DGKB: variants seen among roughly 807,000 people sequenced by gnomAD.
DGKB encodes the protein diacylglycerol kinase beta.
Under a neutral mutation model 114.3 loss-of-function variants are expected in DGKB, and 67 were observed. That is an observed-to-expected ratio of 0.59 (90% confidence interval 0.48 to 0.72). DGKB has a LOEUF of 0.72. DGKB is among the 30% of genes least tolerant of loss of function. The pLI is 0.00. For synonymous variants in DGKB, 398 were observed against 323.1 expected (o/e 1.23, Z -2.49); for missense variants, 907 against 975.2 (o/e 0.93, Z 0.93).
At chr7:14,729,281 T>C (rs4582449) in intron 5 of DGKB, among the ~76,000 whole-genome samples, 50,168 of 148,024 alleles carry the variant, frequency 0.34, 10,269 homozygotes, top group Non-Finnish European at 0.47. Context: ...TGCCACCACA[T>C]CCGGCTAATT....
chr7:14,230,694 C>T (rs561630354), intron 23 of DGKB, among the ~76,000 whole-genome samples: 2 of 149,750 alleles, frequency 1.3e-5, no homozygotes, highest in Non-Finnish European at 3.0e-5. Flanking sequence ...TGAGATCAAC[C>T]GATCTTTCTT....
intron 1 of DGKB, among the ~76,000 whole-genome samples, chr7:14,949,724 T>A (rs1441191091): frequency 2.0e-5 from 3 of 151,880 alleles, no homozygotes; most frequent in African/African-American, 7.3e-5. Context: ...AATGATAGAC[T>A]GGATTAAGAA....
At chr7:14,554,699 T>G (rs1795622458) in intron 20 of DGKB, among the ~76,000 whole-genome samples, 1 of 152,170 alleles carries the variant, frequency 6.6e-6, no homozygotes, top group Admixed American at 6.5e-5. Flanking sequence ...ATTTATTGAC[T>G]GATAGAGATC....
intron 23 of DGKB, among the ~76,000 whole-genome samples, chr7:14,293,499 A>C (rs187995242): frequency 2.0e-5 from 3 of 152,300 alleles, no homozygotes; most frequent in Admixed American, 1.3e-4. Context: ...TTTAAAAAAA[A>C]CCACAATGTA....
At chr7:14,910,260 AAGAAAG>A (rs1269507716) in intron 1 of DGKB, among the ~76,000 whole-genome samples, 1 of 78,964 alleles carries the variant, frequency 1.3e-5, no homozygotes, top group Non-Finnish European at 2.7e-5. Flanking sequence ...GAAAGAAAGA[AAGAAAG>A]AAAGAAAGAA....
At chr7:14,869,933 C>T (rs1263215730) in intron 1 of DGKB, among the ~76,000 whole-genome samples, 1 of 152,060 alleles carries the variant, frequency 6.6e-6, no homozygotes, top group Non-Finnish European at 1.5e-5. Context: ...TGTTTTATAA[C>T]CCACGATTTT....
intron 2 of DGKB, among the ~76,000 whole-genome samples, chr7:14,799,703 G>A (rs1192487143): frequency 1.3e-5 from 2 of 152,150 alleles, no homozygotes; most frequent in Non-Finnish European, 2.9e-5. Context: ...CTCATTTAAT[G>A]AATGACCTGA....
intron 17 of DGKB, among the ~76,000 whole-genome samples, chr7:14,586,586 C>G (rs59722842): frequency 0.057 from 8,614 of 152,124 alleles, 832 homozygotes; most frequent in African/African-American, 0.2. Context: ...TGCCATCTAG[C>G]ACTTTGATAG....
At chr7:14,281,824 A>G (rs1800005575) in intron 23 of DGKB, among the ~76,000 whole-genome samples, 1 of 149,134 alleles carries the variant, frequency 6.7e-6, no homozygotes, top group Non-Finnish European at 1.5e-5. Context: ...GAGAACAAAG[A>G]CACAACATAC....
intron 13 of DGKB, among the ~76,000 whole-genome samples, chr7:14,633,536 C>A (rs1174107965): frequency 6.6e-6 from 1 of 151,818 alleles, no homozygotes; most frequent in Non-Finnish European, 1.5e-5. Flanking sequence ...GTACTTAGAT[C>A]TAAAAGAAAA....
chr7:14,967,078 G>C (rs1169270257), intron 1 of DGKB, among the ~76,000 whole-genome samples: 1 of 152,108 alleles, frequency 6.6e-6, no homozygotes, highest in Non-Finnish European at 1.5e-5. Flanking sequence ...GTTTATGGTA[G>C]TTATTGGTTC....
intron 23 of DGKB, among the ~76,000 whole-genome samples, chr7:14,257,098 G>A (rs1796062993): frequency 6.6e-6 from 1 of 152,100 alleles, no homozygotes; most frequent in African/African-American, 2.4e-5. Flanking sequence ...AGGAATTCAA[G>A]GTTACAGTGA....
chr7:14,209,841 T>C (rs972394677), intron 23 of DGKB, among the ~76,000 whole-genome samples: 1 of 152,026 alleles, frequency 6.6e-6, no homozygotes, highest in Non-Finnish European at 1.5e-5. Context: ...ATCATTATAT[T>C]ATCATTTTGT....
chr7:14,919,073 CACACACACACACACACACACAA>C (rs1335263565), intron 1 of DGKB, among the ~76,000 whole-genome samples: 96 of 124,168 alleles, frequency 7.7e-4, no homozygotes, highest in Non-Finnish European at 1.3e-3. Flanking sequence ...CACACACACA[CACACACACACACACACACACAA>C]ACACACACAC....
intron 21 of DGKB, among the ~76,000 whole-genome samples, chr7:14,366,030 C>T (rs913103387): frequency 6.6e-6 from 1 of 151,932 alleles, no homozygotes. Flanking sequence ...ATTAATAGTA[C>T]CCAGGACTGT....
At chr7:14,306,710 T>C (rs1045561534) in intron 23 of DGKB, among the ~76,000 whole-genome samples, 10 of 152,148 alleles carry the variant, frequency 6.6e-5, no homozygotes, top group Non-Finnish European at 1.3e-4. Context: ...GCTTTGACAA[T>C]TGAGTTCTTA....
At chr7:14,887,971 T>G (rs1780577166) in intron 1 of DGKB, among the ~76,000 whole-genome samples, 1 of 151,744 alleles carries the variant, frequency 6.6e-6, no homozygotes, top group Non-Finnish European at 1.5e-5. Context: ...TAATTACCAT[T>G]GTTTTCCCAA....
chr7:14,471,730 T>C lies in DGKB; in HGVS notation c.1835+6431A>G, dbSNP rs545460815. Among the ~76,000 whole-genome samples the C allele has an allele frequency of 3.9e-4, 59 of 152,196 alleles. 1 individual carries two copies. In the South Asian group the frequency reaches 0.012, roughly 30 times the overall value. ...TCTACATATCACAGTTCAATCTTTA[T>C]TGCATTTTTTGCACTATAAAAGCAT... is the stretch of plus-strand genomic sequence containing the variant. On this transcript the variant is annotated intron_variant, in intron 21 of 25. Transcript: ENST00000402815.
chr7:14,733,624 G>C (rs1261988155), intron 5 of DGKB, among the ~76,000 whole-genome samples: 1 of 152,030 alleles, frequency 6.6e-6, no homozygotes. Flanking sequence ...GAAGGCAGAG[G>C]TTGCAGTGAG....
Sources: allele counts gnomAD v4.1 joint callset (sites outside exome capture counted in the v4.1 genomes callset), GRCh38; gene constraint gnomAD v4.1.1; transcripts MANE v1.5; gene names NCBI Gene and HGNC (gene_info 2026-07-23, HGNC 2026-07-21).